The following CACNA1A variants were observed in gnomAD, a reference collection of about 807,000 sequenced individuals.
The protein encoded by CACNA1A is calcium voltage-gated channel subunit alpha1 A.
Under a neutral mutation model 262.4 loss-of-function variants are expected in CACNA1A, and 57 were observed. That is an observed-to-expected ratio of 0.22 (90% CI 0.18 to 0.27). CACNA1A has a LOEUF of 0.27. Ranked by LOEUF, CACNA1A falls within the 10% of genes least tolerant of loss-of-function variation. CACNA1A has a pLI of 1.00. For missense variants in CACNA1A, 2,526 were observed against 3,562.8 expected, an observed-to-expected ratio of 0.71 and a Z score of 7.41; for synonymous variants, 1,431 against 1,419.3, an observed-to-expected ratio of 1.01 and a Z score of -0.18.
intron 3 of CACNA1A, among the ~76,000 whole-genome samples, chr19:13,447,654 A>T (rs1026002251): frequency 6.6e-6 from 1 of 152,228 alleles, no homozygotes; most frequent in African/African-American, 2.4e-5. Context: ...AAAAGTAGGG[A>T]AGCTGACAGT....
At position 13,385,226 on chromosome 19, in the gene CACNA1A, C is replaced by CTTTT. The variant is rs200379554; in HGVS notation, c.540-13448_540-13447insAAAA. Among the ~76,000 whole-genome samples the CTTTT allele has an allele frequency of 2.5e-3, 339 of 137,436 alleles. 16 individuals are homozygous for CTTTT. The highest frequency in any genetic ancestry group is 5.0e-3 in the African/African-American group (182 of 36,164). 90.2% of individuals were successfully genotyped at this position (137,436 alleles called of 152,430 possible). ...GTAGGGCAGATATTTTCTATTCTTTCTTTCTTTTTTTTTTTTTTTTTGAGA... is the reference window on the plus strand; with the variant it reads ...GTAGGGCAGATATTTTCTATTCTTTCTTTTTTTCTTTTTTTTTTTTTTTTTGAGA... On this transcript the variant is annotated intron_variant, in intron 3 of 46. Coordinates refer to ENST00000360228, the MANE Select transcript of CACNA1A (RefSeq NM_001127222.2).
intron 1 of CACNA1A, among the ~76,000 whole-genome samples, chr19:13,503,105 C>G (rs192522722): frequency 6.6e-6 from 1 of 152,116 alleles, no homozygotes; most frequent in African/African-American, 2.4e-5. Flanking sequence ...GTGGCACAAA[C>G]AGAAATGACA....
In CACNA1A at chr19:13,304,088, C is replaced by T. The variant is rs149921513; in HGVS notation, c.1987-204G>A. On this transcript the variant is annotated intron_variant, in intron 15 of 46. Transcript: ENST00000360228. The stretch of plus-strand genomic sequence containing the variant: ...TTGCGAGTAGAAAGGGCCGTTCCTG[C>T]GTCGTGGGGCTCTTAGCCTGGCTTC... Among the ~76,000 whole-genome samples the T allele has an allele frequency of 5.5e-3, 832 of 152,138 alleles. 12 individuals carry two copies. The highest frequency in any genetic ancestry group is 0.019 in the African/African-American group (800 of 41,512).
intron 18 of CACNA1A, among the ~76,000 whole-genome samples, chr19:13,299,568 C>T (rs998469922): frequency 1.3e-5 from 2 of 152,188 alleles, no homozygotes; most frequent in African/African-American, 4.8e-5. Flanking sequence ...GGCAAAAGCC[C>T]AAGTCCTCCC....
chr19:13,234,731 TCCC>T, intron 34 of CACNA1A, 187 bp downstream of exon 34: 2 of 571,876 alleles, frequency 3.5e-6, no homozygotes, highest in Non-Finnish European at 6.3e-6. Flanking sequence ...GGCCGGCACG[TCCC>T]CTACCGGAAG....
In CACNA1A at chr19:13,359,763, G is replaced by A. The variant is rs1250942113; in HGVS notation, c.821C>T (p.Thr274Ile). 2.6e-6 allele frequency: 4 copies of A among 1,550,632 alleles called. No individual in the cohort carries two copies. Among genetic ancestry groups the A allele is most frequent in the Non-Finnish European group, 1.7e-6 (2 of 1,145,904 alleles). ...IQGESPAPCG[T>I]EEPARTCPNG... ...GGGGCAGGTGCGGGCGGGCTCTTCT[G>A]TCCCACATGGAGCCGGAGACTCACC... The change falls in exon 6 of 47, where the codon ACA becomes ATA. Residue 274 changes from threonine (T) to isoleucine (I), a missense_variant. Physicochemically the swap from Thr to Ile is moderately conservative, Grantham distance 89. This residue lies in a region of CACNA1A where 52 missense variants were observed against 124.0 expected (regional missense o/e 0.42). Coordinates refer to ENST00000360228, the MANE Select transcript of CACNA1A (RefSeq NM_001127222.2).
chr19:13,398,794 C>T (rs2059851472), intron 3 of CACNA1A, among the ~76,000 whole-genome samples: 1 of 152,216 alleles, frequency 6.6e-6, no homozygotes, highest in Non-Finnish European at 1.5e-5. Flanking sequence ...GAGCACACCA[C>T]CTGATGCATA....
At chr19:13,496,043 ACCATCCATCCATCCAT>A (rs140251496) in intron 1 of CACNA1A, among the ~76,000 whole-genome samples, 39 of 145,864 alleles carry the variant, frequency 2.7e-4, no homozygotes, top group Non-Finnish European at 4.5e-4. Context: ...CATCTGTTCA[ACCATCCATCCATCCAT>A]CCATCCATCC....
chr19:13,364,877 G>C (rs1276920952), intron 5 of CACNA1A: 2 of 153,116 alleles, frequency 1.3e-5, no homozygotes, highest in African/African-American at 4.8e-5. Flanking sequence ...CTGATCTCAG[G>C]TGATCCACCC....
rs2057168319 is a variant in CACNA1A at position 13,277,058 on chromosome 19, T to C, written c.3882+11A>G. ...AATTACCGTGTGTTCTCACTTATAA[T>C]CTGCACTCACCTTGATCACCATCTC... is the stretch of plus-strand genomic sequence containing the variant. On this transcript the variant is annotated intron_variant, in intron 23 of 46. Coordinates refer to ENST00000360228, the MANE Select transcript of CACNA1A (RefSeq NM_001127222.2). 6.3e-7 allele frequency: 1 copy of C among 1,595,960 alleles called. No individual in the cohort carries two copies. Among genetic ancestry groups the C allele is most frequent in the Non-Finnish European group, 8.6e-7 (1 of 1,163,836 alleles).
At chr19:13,390,771 T>C (rs904212778) in intron 3 of CACNA1A, among the ~76,000 whole-genome samples, 6 of 152,124 alleles carry the variant, frequency 3.9e-5, no homozygotes, top group African/African-American at 1.4e-4. Context: ...GATACTATTT[T>C]CTCCATTTTA....
At chr19:13,348,691 C>T (rs1248621489) in intron 6 of CACNA1A, among the ~76,000 whole-genome samples, 1 of 152,164 alleles carries the variant, frequency 6.6e-6, no homozygotes, top group Non-Finnish European at 1.5e-5. Flanking sequence ...AAAAAATTAG[C>T]TGGGCGTGTT....
At chr19:13,250,930 G>A (rs147576225) in intron 30 of CACNA1A, among the ~76,000 whole-genome samples, 2,815 of 151,514 alleles carry the variant, frequency 0.019, 43 homozygotes, top group Admixed American at 0.052. Context: ...CCAGGAGTTC[G>A]AGACCAGCCT....
chr19:13,310,219 G>A (rs1379842175), intron 12 of CACNA1A, among the ~76,000 whole-genome samples: 2 of 151,650 alleles, frequency 1.3e-5, no homozygotes, highest in African/African-American at 4.8e-5. Context: ...ACTTTGGGAG[G>A]CCAGGGCAGG....
rs145304642 is a variant in CACNA1A, at chr19:13,452,786, C to T, written c.539+90G>A. 38 of 1,250,694 alleles carry T rather than the reference C, an allele frequency of 3.0e-5. 1 individual carries two copies. In the African/African-American group the frequency reaches 5.2e-4, roughly 17 times the overall value. The allele number at this position is 1,250,694 out of a possible 1,614,324, so 77.5% of individuals were successfully genotyped here. A position where few individuals can be genotyped will look rare whatever the true frequency, so the allele number is the denominator to read the frequency against. On this transcript the variant is annotated intron_variant, in intron 3 of 46. Coordinates refer to ENST00000360228, the MANE Select transcript of CACNA1A (RefSeq NM_001127222.2). ...GGGGAGGGAGAACACAAGGGCTCAG[C>T]CTTCCTGAGCCTGGCCCGGACCACA...
intron 43 of CACNA1A, chr19:13,210,869 T>C: frequency 1.6e-6 from 1 of 618,910 alleles, no homozygotes; most frequent in East Asian, 2.7e-5. Flanking sequence ...CTGGGCGTCC[T>C]CTATTCCCAT....
intron 3 of CACNA1A, among the ~76,000 whole-genome samples, chr19:13,425,892 C>G (rs959141361): frequency 1.3e-5 from 2 of 152,054 alleles, no homozygotes; most frequent in African/African-American, 2.4e-5. Flanking sequence ...CCTGCCTCTA[C>G]TAAAAATACA....
intron 24 of CACNA1A, among the ~76,000 whole-genome samples, chr19:13,268,092 A>G (rs920798682): frequency 1.8e-4 from 28 of 151,988 alleles, no homozygotes; most frequent in African/African-American, 5.8e-4. Flanking sequence ...ACAAACAACC[A>G]ACCAACTCAG....
chr19:13,414,002 T>G (rs2060177479), intron 3 of CACNA1A, among the ~76,000 whole-genome samples: 1 of 137,632 alleles, frequency 7.3e-6, no homozygotes, highest in South Asian at 2.3e-4. Flanking sequence ...GATGGAAGAG[T>G]GGAAGGTGAG....
Sources: gnomAD v4.1 joint callset for allele counts (sites outside exome capture counted in the v4.1 genomes callset) on GRCh38, gnomAD v4.1.1 for gene constraint, gnomAD v4.1.1 regional missense constraint, MANE v1.5 for transcripts, NCBI Gene and HGNC (gene_info 2026-07-23, HGNC 2026-07-21) for gene names.